ACSF3: variants seen among roughly 807,000 people sequenced by gnomAD.
The protein encoded by ACSF3 is acyl-CoA synthetase family member 3, also known as malonate--CoA ligase ACSF3, mitochondrial.
Under a neutral mutation model 53.2 loss-of-function variants are expected in ACSF3, and 78 were observed. That is an observed-to-expected ratio of 1.47 (90% CI 1.22 to 1.77). ACSF3 has a LOEUF of 1.77. Ranked by LOEUF, ACSF3 falls within the 40% of genes most tolerant of loss-of-function variation. ACSF3 has a pLI of 0.00. For missense variants in ACSF3, 937 were observed against 771.1 expected (o/e 1.22, Z -2.55); for synonymous variants, 414 against 333.1 (o/e 1.24, Z -2.65).
intron 4 of ACSF3, among the ~76,000 whole-genome samples, chr16:89,109,317 C>T (rs563829736): frequency 6.0e-5 from 9 of 149,710 alleles, no homozygotes; most frequent in Non-Finnish European, 1.2e-4. Flanking sequence ...TCATCAGCAG[C>T]GTATGAGAGT....
chr16:89,136,560 C>G (rs747950104), intron 8 of ACSF3: 2 of 1,275,006 alleles, frequency 1.6e-6, no homozygotes, highest in East Asian at 1.1e-4. Flanking sequence ...CCCCTCCTGC[C>G]ACACGGATTC....
chr16:89,115,256 A>G (rs1438054457), intron 6 of ACSF3: 2 of 153,506 alleles, frequency 1.3e-5, no homozygotes, highest in African/African-American at 4.8e-5. Context: ...TGTGTGTCTT[A>G]AGAAACATCA....
intron 8 of ACSF3, 149 bp from the exon 9 acceptor site, chr16:89,145,118 T>C (rs922949428): frequency 1.1e-5 from 17 of 1,592,164 alleles, no homozygotes; most frequent in Non-Finnish European, 1.4e-5. Flanking sequence ...TGTTTCTCCG[T>C]TGGGGTTGCC....
chr16:89,107,390 A>G (rs1170945927), intron 4 of ACSF3, among the ~76,000 whole-genome samples: 2 of 151,830 alleles, frequency 1.3e-5, no homozygotes, highest in South Asian at 2.1e-4. Context: ...CCATCCTGCT[A>G]CACGCATGCT....
chr16:89,106,188 TGGACACGGGAAAGCCTCAGACCTTCAAC>T (rs1025106677), intron 4 of ACSF3, among the ~76,000 whole-genome samples: 23 of 152,230 alleles, frequency 1.5e-4, no homozygotes, highest in Admixed American at 3.3e-4. Context: ...GGCTCATTAA[TGGACACGGGAAAGCCTCAGACCTTCAAC>T]GGACACGGGA....
chr16:89,102,911 C>G (rs142104728), intron 4 of ACSF3, 152 bp downstream of exon 4: 2 of 1,107,504 alleles, frequency 1.8e-6, no homozygotes, highest in East Asian at 5.1e-5. Flanking sequence ...GCATCTTTTC[C>G]TGGTGTGCAG....
chr16:89,114,279 C>G, intron 5 of ACSF3, 60 bp from the exon 6 acceptor site: 1 of 1,608,522 alleles, frequency 6.2e-7, no homozygotes, highest in Non-Finnish European at 8.5e-7. Flanking sequence ...AAACCTGCCA[C>G]CTTTGCACGC....
intron 1 of ACSF3, among the ~76,000 whole-genome samples, chr16:89,094,227 T>A (rs1974343775): frequency 6.6e-6 from 1 of 151,788 alleles, no homozygotes; most frequent in Non-Finnish European, 1.5e-5. Context: ...GGAGAGAAGC[T>A]GTGCGGACGC....
intron 1 of ACSF3, among the ~76,000 whole-genome samples, chr16:89,097,905 C>A (rs1287451245): frequency 6.6e-6 from 1 of 152,140 alleles, no homozygotes; most frequent in Admixed American, 6.5e-5. Flanking sequence ...GGTTCAGGGC[C>A]CTGCGTGGCT....
intron 8 of ACSF3, among the ~76,000 whole-genome samples, chr16:89,134,082 A>G (rs1014501337): frequency 6.6e-6 from 1 of 152,186 alleles, no homozygotes; most frequent in African/African-American, 2.4e-5. Flanking sequence ...ACGTATATGG[A>G]TGGACATTTG....
chr16:89,137,815 C>G (rs1461626556), intron 8 of ACSF3, among the ~76,000 whole-genome samples: 2 of 152,196 alleles, frequency 1.3e-5, no homozygotes, highest in Non-Finnish European at 2.9e-5. Context: ...GAACATCAGC[C>G]CAGCCTCCCA....
At chr16:89,095,655 T>C (rs1186985894) in intron 1 of ACSF3, among the ~76,000 whole-genome samples, 1 of 152,138 alleles carries the variant, frequency 6.6e-6, no homozygotes, top group African/African-American at 2.4e-5. Context: ...GTTTTATTCA[T>C]GTTGAAAGCA....
intron 1 of ACSF3, among the ~76,000 whole-genome samples, chr16:89,095,008 G>C (rs1395778442): frequency 2.0e-5 from 3 of 152,242 alleles, no homozygotes; most frequent in African/African-American, 7.2e-5. Flanking sequence ...AATTGTGTCT[G>C]GGGCATAGTT....
chr16:89,145,054 C>T (rs1912630248), intron 8 of ACSF3: 2 of 1,361,152 alleles, frequency 1.5e-6, no homozygotes, highest in South Asian at 2.5e-5. Flanking sequence ...GGGCACAGTC[C>T]CACCTTGGGA....
intron 8 of ACSF3, among the ~76,000 whole-genome samples, chr16:89,134,933 G>A (rs899936308): frequency 2.6e-5 from 4 of 152,194 alleles, no homozygotes; most frequent in South Asian, 2.1e-4. Flanking sequence ...GATAGCAGAC[G>A]TGCGTGGGTG....
chr16:89,155,760 C>T lies in ACSF3; in HGVS notation c.*1553C>T. On this transcript the variant is annotated 3_prime_UTR_variant, in exon 11 of 11. Coordinates refer to ENST00000614302, the MANE Select transcript of ACSF3 (RefSeq NM_001243279.3). ...ATAGCAAAATTTTTACTTAATTCCA[C>T]TAATTTTACATTTGCATCTCTCTCC... 2.2e-6 allele frequency: 1 copy of T among 450,988 alleles called. No individual in the cohort carries two copies. Among genetic ancestry groups the T allele is most frequent in the Non-Finnish European group, 4.4e-6 (1 of 226,496 alleles). The allele number at this position is 450,988 out of a possible 1,614,324, so 27.9% of individuals were successfully genotyped here.
chr16:89,142,182 A>T (rs1358269751), intron 8 of ACSF3, among the ~76,000 whole-genome samples: 1 of 151,976 alleles, frequency 6.6e-6, no homozygotes, highest in Admixed American at 6.5e-5. Context: ...AGGCAGGGCT[A>T]TCACTGAGAA....
At chr16:89,095,538 C>A (rs536697798) in intron 1 of ACSF3, among the ~76,000 whole-genome samples, 86 of 147,930 alleles carry the variant, frequency 5.8e-4, no homozygotes, top group African/African-American at 1.8e-3. Flanking sequence ...TCCTCTGCCC[C>A]ACGCTCTCAT....
At chr16:89,126,863 A>C (rs1387338178) in intron 7 of ACSF3, among the ~76,000 whole-genome samples, 1 of 152,230 alleles carries the variant, frequency 6.6e-6, no homozygotes, top group East Asian at 1.9e-4. Flanking sequence ...TTCTGATCTT[A>C]GGGAAAGGAT....
Sources: allele counts gnomAD v4.1 joint callset (sites outside exome capture counted in the v4.1 genomes callset), GRCh38; gene constraint gnomAD v4.1.1; transcripts MANE v1.5; gene names NCBI Gene and HGNC (gene_info 2026-07-23, HGNC 2026-07-21).